The following ADGRL2 variants were observed in gnomAD, a reference collection of about 807,000 sequenced individuals.
ADGRL2 encodes the protein calcium-independent alpha-latrotoxin receptor 2.
Under a neutral mutation model 157.4 loss-of-function variants are expected in ADGRL2, and 44 were observed. The ratio of observed to expected loss-of-function variants is 0.28; its 90% CI spans 0.22 to 0.36. The LOEUF (loss-of-function observed/expected upper bound fraction) is 0.36, where lower values mean the gene tolerates loss of function less well. Ranked by LOEUF, ADGRL2 falls within the 10% of genes least tolerant of loss-of-function variation. The pLI is 1.00. For missense variants in ADGRL2, 1,510 were observed against 1,768.9 expected (o/e 0.85, Z 2.63); for synonymous variants, 585 against 624.7 (o/e 0.94, Z 0.95).
chr1:81,785,802 G>A (rs2087016235), intron 2 of ADGRL2, among the ~76,000 whole-genome samples: 1 of 152,030 alleles, frequency 6.6e-6, no homozygotes, highest in Non-Finnish European at 1.5e-5. Context: ...ATCTTGTGGA[G>A]ATGAGAATTT....
chr1:81,494,004 A>G (rs1179585799), intron 2 of ADGRL2, among the ~76,000 whole-genome samples: 5 of 152,186 alleles, frequency 3.3e-5, no homozygotes, highest in Non-Finnish European at 7.4e-5. Context: ...AACAATTTTA[A>G]TATGAATTGC....
chr1:81,839,955 A>ATATATATATATATAT (rs1164786609), intron 2 of ADGRL2, among the ~76,000 whole-genome samples: 1 of 110,092 alleles, frequency 9.1e-6, no homozygotes, highest in African/African-American at 3.0e-5. Flanking sequence ...TATATATATA[A>ATATATATATATATAT]ATACACACAA....
intron 1 of ADGRL2, among the ~76,000 whole-genome samples, chr1:81,719,415 A>G (rs1170546360): frequency 2.6e-5 from 4 of 152,196 alleles, no homozygotes; most frequent in African/African-American, 9.7e-5. Flanking sequence ...ATCTTCGTCT[A>G]CACATAGCCA....
chr1:81,810,776 T>G (rs2089768049), intron 1 of ADGRL2, among the ~76,000 whole-genome samples: 1 of 151,882 alleles, frequency 6.6e-6, no homozygotes, highest in Non-Finnish European at 1.5e-5. Flanking sequence ...CTCTCCAATA[T>G]TAAAGAGATG....
At chr1:81,597,675 A>G (rs2081261906) in intron 3 of ADGRL2, among the ~76,000 whole-genome samples, 1 of 152,218 alleles carries the variant, frequency 6.6e-6, no homozygotes, top group Non-Finnish European at 1.5e-5. Context: ...TCAACTTACA[A>G]TGGGGTTACA....
At chr1:81,782,603 T>C (rs2086861760) in intron 2 of ADGRL2, among the ~76,000 whole-genome samples, 1 of 152,184 alleles carries the variant, frequency 6.6e-6, no homozygotes, top group Non-Finnish European at 1.5e-5. Flanking sequence ...AAGCCGTGTT[T>C]CTCTGGAGTT....
intron 1 of ADGRL2, among the ~76,000 whole-genome samples, chr1:81,350,846 G>A (rs987532914): frequency 6.6e-5 from 10 of 152,010 alleles, no homozygotes; most frequent in Non-Finnish European, 1.3e-4. Flanking sequence ...CAATAGCATG[G>A]GTTTTATATT....
chr1:81,435,117 C>G (rs779021200), intron 1 of ADGRL2, among the ~76,000 whole-genome samples: 5 of 152,040 alleles, frequency 3.3e-5, no homozygotes, highest in Admixed American at 1.3e-4. Context: ...TTCAAAAACT[C>G]CACTTATGTT....
intron 1 of ADGRL2, among the ~76,000 whole-genome samples, chr1:81,343,197 G>T (rs7521100): frequency 6.7e-6 from 1 of 148,516 alleles, no homozygotes; most frequent in South Asian, 2.1e-4. Context: ...CCAAGCAATT[G>T]TCACGCCTTA....
At chr1:81,979,794 T>C in intron 17 of ADGRL2, 75 bp from the exon 18 acceptor site, 1 of 834,392 alleles carries the variant, frequency 1.2e-6, no homozygotes, top group East Asian at 2.5e-5. Flanking sequence ...TAAACATGGA[T>C]CGATACATTT....
intron 2 of ADGRL2, among the ~76,000 whole-genome samples, chr1:81,461,400 G>A (rs1265283475): frequency 6.6e-6 from 1 of 151,508 alleles, no homozygotes; most frequent in Non-Finnish European, 1.5e-5. Flanking sequence ...GTCCTTTTTA[G>A]CTTAATTTTC....
chr1:81,551,426 C>T (rs941863370), intron 2 of ADGRL2, among the ~76,000 whole-genome samples: 7 of 152,136 alleles, frequency 4.6e-5, no homozygotes, highest in Non-Finnish European at 7.4e-5. Flanking sequence ...AAGATGGATT[C>T]TGAATGTTAG....
chr1:81,621,473 T>C (rs1025263527), intron 3 of ADGRL2, among the ~76,000 whole-genome samples: 2 of 152,188 alleles, frequency 1.3e-5, no homozygotes, highest in Admixed American at 6.5e-5. Context: ...GTGAACTCCC[T>C]GCAAAGAGAG....
chr1:81,950,976 A>G lies in ADGRL2; in HGVS notation c.1505-42A>G, dbSNP rs548400886. On this transcript the variant is annotated intron_variant, in intron 7 of 23. Coordinates refer to ENST00000686636, the MANE Select transcript of ADGRL2 (RefSeq NM_001366006.2). ...AGCTGATTCCCGAATGCATGCAGAAAAATGGTTTCAATTTCACTGTTGTTT... is the reference window on the plus strand; with the variant it reads ...AGCTGATTCCCGAATGCATGCAGAAGAATGGTTTCAATTTCACTGTTGTTT... The G allele has an allele frequency of 3.0e-6, 4 of 1,312,330 alleles. No individual in the cohort carries two copies. The South Asian group carries it at 3.6e-5, about 12-fold the overall frequency. 81.3% of individuals were successfully genotyped at this position (1,312,330 alleles called of 1,614,324 possible).
At position 81,801,066 on chromosome 1, in the gene ADGRL2, C is replaced by T. The variant is rs139192124; in HGVS notation, c.-103C>T. On this transcript the variant is annotated splice_region_variant and 5_prime_UTR_variant, in exon 1 of 24. Coordinates refer to ENST00000686636, the MANE Select transcript of ADGRL2 (RefSeq NM_001366006.2). ...GCCACCGCCGTCCGAAGGGCTCGAGCCCGTAAGTATCCCCTTTCGCTCCTC... is the reference window on the plus strand; with the variant it reads ...GCCACCGCCGTCCGAAGGGCTCGAGTCCGTAAGTATCCCCTTTCGCTCCTC... Among the ~76,000 whole-genome samples, 51 of 151,952 alleles carry T rather than the reference C, an allele frequency of 3.4e-4. No individual in the cohort carries two copies. The highest frequency in any genetic ancestry group is 6.9e-4 in the Non-Finnish European group (47 of 67,918).
At chr1:81,700,114 C>T (rs1050581134) in intron 1 of ADGRL2, among the ~76,000 whole-genome samples, 1 of 152,090 alleles carries the variant, frequency 6.6e-6, no homozygotes, top group African/African-American at 2.4e-5. Flanking sequence ...CTCCCGAGGC[C>T]CTACATGATG....
At chr1:81,595,406 T>A (rs142627776) in intron 3 of ADGRL2, among the ~76,000 whole-genome samples, 1,547 of 152,324 alleles carry the variant, frequency 0.01, 11 homozygotes, top group South Asian at 0.019. Flanking sequence ...CTCAAGGGTA[T>A]TTTTGCAGGA....
At chr1:81,727,830 C>T (rs2084589517) in intron 1 of ADGRL2, among the ~76,000 whole-genome samples, 1 of 147,492 alleles carries the variant, frequency 6.8e-6, no homozygotes, top group Non-Finnish European at 1.5e-5. Flanking sequence ...TATATATATA[C>T]ATCTAAAAAG....
At chr1:81,322,127 C>CATATATATAT (rs1660561190) in intron 1 of ADGRL2, among the ~76,000 whole-genome samples, 4 of 130,232 alleles carry the variant, frequency 3.1e-5, no homozygotes, top group South Asian at 2.4e-4. Context: ...TATATATACA[C>CATATATATAT]ACACACACGT....
Sources: gnomAD v4.1 joint callset for allele counts (sites outside exome capture counted in the v4.1 genomes callset) on GRCh38, gnomAD v4.1.1 for gene constraint, MANE v1.5 for transcripts, NCBI Gene and HGNC (gene_info 2026-07-23, HGNC 2026-07-21) for gene names.